DGCR2: variants seen among roughly 807,000 people sequenced by gnomAD.
The protein encoded by DGCR2 is integral membrane protein DGCR2/IDD.
Under a neutral mutation model 51.6 loss-of-function variants are expected in DGCR2, and 24 were observed. The ratio of observed to expected loss-of-function variants is 0.47; its 90% CI spans 0.34 to 0.65. DGCR2 has a LOEUF of 0.65. Among genes scored for constraint, DGCR2 ranks in the 30% least tolerant of loss-of-function variants. The pLI is 0.01. For missense variants in DGCR2, 765 were observed against 772.1 expected (o/e 0.99, Z 0.11); for synonymous variants, 340 against 315.4 (o/e 1.08, Z -0.82).
chr22:19,122,065 C>G (rs984975690), intron 1 of DGCR2, 63 bp downstream of exon 1: 1 of 1,290,642 alleles, frequency 7.7e-7, no homozygotes, highest in Non-Finnish European at 1.0e-6. Context: ...GAAAGGAGGT[C>G]CCGGGGCGAC....
chr22:19,119,947 G>A (rs1487123056), intron 1 of DGCR2, among the ~76,000 whole-genome samples: 1 of 151,754 alleles, frequency 6.6e-6, no homozygotes, highest in African/African-American at 2.4e-5. Flanking sequence ...ACTCAAGTAT[G>A]CTTTTAAGGC....
At chr22:19,076,832 G>A (rs2082882908) in intron 2 of DGCR2, among the ~76,000 whole-genome samples, 2 of 140,108 alleles carry the variant, frequency 1.4e-5, no homozygotes, top group Non-Finnish European at 3.0e-5. Flanking sequence ...CAGGATTCAT[G>A]CCATTCTCCT....
chr22:19,068,178 G>C lies in DGCR2; in HGVS notation c.250C>G (p.Pro84Ala), dbSNP rs751807346. ...RPHHGKEAVD[P>A]RQGRARGGDP... ...CCTCCTCTGGCCCGCCCCTGCCGCG[G>C]ATCCACAGCCTCCTTCCCATGATGA... The change falls in exon 3 of 10, where the codon CCG (proline) becomes GCG (alanine). Residue 84 changes from proline (P) to alanine (A), a missense_variant. By Grantham distance (27) the Pro-to-Ala change is conservative. Around this residue, in one of 3 missense-constraint regions of DGCR2, gnomAD observed 370 missense variants for 325.5 expected, o/e 1.14. Transcript: ENST00000263196. 1.2e-6 allele frequency: 2 copies of C among 1,611,490 alleles called. No individual in the cohort carries two copies. Among genetic ancestry groups the C allele is most frequent in the Non-Finnish European group, 8.5e-7 (1 of 1,179,134 alleles).
At position 19,057,182 on chromosome 22, in the gene DGCR2, T is replaced by G; in HGVS notation, c.626-20A>C. The stretch of plus-strand genomic sequence containing the variant: ...AAGAGCCTGTTGGGGAGACAAAAGG[T>G]GGGGCTGGACAACATCACATCAGAG... On this transcript the variant is annotated intron_variant, in intron 5 of 9. Transcript: ENST00000263196. The surrounding 1 kb of genome is among the most constrained non-coding windows in gnomAD (Gnocchi z 5.1). 1.9e-6 allele frequency: 3 copies of G among 1,583,076 alleles called. No homozygotes were observed. The highest frequency in any genetic ancestry group is 2.6e-6 in the Non-Finnish European group (3 of 1,164,236).
At chr22:19,060,951 C>G (rs776392565) in intron 5 of DGCR2, 4 of 456,876 alleles carry the variant, frequency 8.8e-6, no homozygotes, top group Non-Finnish European at 1.8e-5. Flanking sequence ...CACTCACACC[C>G]CAATCTGGAA....
rs144640829 is a variant in DGCR2, at chr22:19,038,818, T to C, written c.*47A>G. 3.0e-3 allele frequency: 4,719 copies of C among 1,588,522 alleles called. 7 individuals are homozygous for C. Among genetic ancestry groups the C allele is most frequent in the Non-Finnish European group, 3.9e-3 (4,550 of 1,164,834 alleles). Reference sequence around the variant, plus strand: ...AGTCTCCCCAGGGACCGGTGTTTTCTACAACAGACAGGTGCTCCCAGACCG... The same window carrying C: ...AGTCTCCCCAGGGACCGGTGTTTTCCACAACAGACAGGTGCTCCCAGACCG... On this transcript the variant is annotated 3_prime_UTR_variant, in exon 10 of 10. Coordinates refer to ENST00000263196, the MANE Select transcript of DGCR2 (RefSeq NM_005137.3).
chr22:19,073,566 C>T (rs1351809321), intron 2 of DGCR2, among the ~76,000 whole-genome samples: 4 of 152,044 alleles, frequency 2.6e-5, no homozygotes, highest in South Asian at 2.1e-4. Flanking sequence ...TCAAAAGATA[C>T]GCAAAATTTC....
intron 9 of DGCR2, 23 bp downstream of exon 9, chr22:19,041,035 C>G: frequency 6.4e-7 from 1 of 1,556,126 alleles, no homozygotes; most frequent in Non-Finnish European, 8.7e-7. Flanking sequence ...CAAGGTGTTC[C>G]CTCTCCCTGG....
intron 5 of DGCR2, among the ~76,000 whole-genome samples, chr22:19,062,727 T>C (rs1253141006): frequency 6.6e-6 from 1 of 150,890 alleles, no homozygotes; most frequent in African/African-American, 2.4e-5. Context: ...CGTCTTGGTA[T>C]TTCCAAGCAG....
rs748737928 is a variant in DGCR2, at chr22:19,065,046, G to A, written c.350C>T (p.Thr117Ile). Residue 117 changes from threonine to isoleucine, a missense_variant, in exon 4 of 10, where the codon ACA (threonine) becomes ATA (isoleucine). Thr to Ile is a moderately conservative substitution (Grantham distance 89, BLOSUM62 -1). Coordinates refer to ENST00000263196, the MANE Select transcript of DGCR2 (RefSeq NM_005137.3). Reference sequence around the variant, plus strand: ...CGTGCCTTCGTAGTGGTGCCACCCTGTCGGGCACTTCCCTAGGAAACATAA... The same window carrying A: ...CGTGCCTTCGTAGTGGTGCCACCCTATCGGGCACTTCCCTAGGAAACATAA... ...RFSSFLGKCPTGWHHYEGTAS... is the reference protein window; with the variant it reads ...RFSSFLGKCPIGWHHYEGTAS... 8.1e-6 allele frequency: 13 copies of A among 1,613,970 alleles called. No individual in the cohort carries two copies. The highest frequency in any genetic ancestry group is 1.1e-5 in the Non-Finnish European group (13 of 1,180,028).
intron 2 of DGCR2, among the ~76,000 whole-genome samples, chr22:19,083,412 A>G (rs150175556): frequency 6.6e-6 from 1 of 152,310 alleles, no homozygotes; most frequent in Non-Finnish European, 1.5e-5. Context: ...CTTCTTCACA[A>G]CGACCTCTCA....
intron 9 of DGCR2, 109 bp downstream of exon 9, chr22:19,040,949 G>A (rs58497489): frequency 0.014 from 14,395 of 1,009,676 alleles, 473 homozygotes; most frequent in East Asian, 0.071. Flanking sequence ...AGACAAAGCC[G>A]GAAAGAAGTG....
At chr22:19,046,677 G>A (rs2082493028) in intron 7 of DGCR2, 1 of 360,422 alleles carries the variant, frequency 2.8e-6, no homozygotes, top group Admixed American at 3.2e-5. Context: ...GCACTTTCCA[G>A]AAGAAGGCCC....
chr22:19,073,175 G>A (rs980485611), intron 2 of DGCR2, among the ~76,000 whole-genome samples: 1 of 152,224 alleles, frequency 6.6e-6, no homozygotes, highest in Non-Finnish European at 1.5e-5. Flanking sequence ...GACACAAGAG[G>A]ACTGTTTGAG....
chr22:19,120,770 A>T (rs184455628), intron 1 of DGCR2, among the ~76,000 whole-genome samples: 7 of 152,198 alleles, frequency 4.6e-5, no homozygotes, highest in South Asian at 2.1e-4. Context: ...AAAGAAGTTA[A>T]TCACAAGAAT....
chr22:19,110,157 T>C (rs2083299383), intron 1 of DGCR2, among the ~76,000 whole-genome samples: 1 of 152,252 alleles, frequency 6.6e-6, no homozygotes, highest in South Asian at 2.1e-4. Flanking sequence ...GAACACAAGA[T>C]TTAACACACG....
intron 1 of DGCR2, chr22:19,121,590 G>A (rs2083433073): frequency 6.6e-6 from 1 of 152,516 alleles, no homozygotes; most frequent in Non-Finnish European, 1.5e-5. Flanking sequence ...CAGTGGCGAG[G>A]TCTCTGCTCC....
Position 19,089,457 on chromosome 22 carries a change from C to A in DGCR2, c.113G>T (p.Arg38Leu), listed in dbSNP as rs151289611. ...LRCNPGQFACRSGTIQCIPLP... is the reference protein window; with the variant it reads ...LRCNPGQFACLSGTIQCIPLP... Reference sequence around the variant, plus strand: ...GGGGATGCACTGGATGGTGCCGCTGCGACACGCAAACTGCCCAGGGTTGCA... The same window carrying A: ...GGGGATGCACTGGATGGTGCCGCTGAGACACGCAAACTGCCCAGGGTTGCA... Residue 38 changes from arginine (R) to leucine (L), a missense_variant, in exon 2 of 10, where the codon CGC becomes CTC. Transcript: ENST00000263196. 1.0e-5 allele frequency: 16 copies of A among 1,603,182 alleles called. No individual in the cohort carries two copies. Among genetic ancestry groups the A allele is most frequent in the East Asian group, 2.3e-5 (1 of 43,928 alleles).
chr22:19,108,223 A>G (rs2083278649), intron 1 of DGCR2, among the ~76,000 whole-genome samples: 1 of 152,194 alleles, frequency 6.6e-6, no homozygotes, highest in Non-Finnish European at 1.5e-5. Flanking sequence ...AGAAAAAATG[A>G]TAAATCAGAC....
Sources: allele counts gnomAD v4.1 joint callset (sites outside exome capture counted in the v4.1 genomes callset), GRCh38; gene constraint gnomAD v4.1.1; regional missense constraint gnomAD v4.1.1; non-coding constraint Gnocchi (gnomAD v3.1); transcripts MANE v1.5; gene names NCBI Gene and HGNC (gene_info 2026-07-23, HGNC 2026-07-21).